HECW1: variants seen among roughly 807,000 people sequenced by gnomAD.
HECW1 encodes the protein HECT, C2 and WW domain containing E3 ubiquitin protein ligase 1.
A neutral mutation model predicts 182.3 loss-of-function variants in HECW1; 61 were observed. The observed-to-expected ratio is 0.33, with a 90% CI of 0.27 to 0.41. The LOEUF (loss-of-function observed/expected upper bound fraction) is 0.41, where lower values mean the gene tolerates loss of function less well. HECW1 is among the 10% of genes least tolerant of loss of function. The pLI is 1.00. For missense variants in HECW1, 1,739 were observed against 2,108.9 expected (o/e 0.82, Z 3.44); for synonymous variants, 859 against 832.6 (o/e 1.03, Z -0.55).
At chr7:43,505,425 G>A (rs1379281657) in intron 21 of HECW1, among the ~76,000 whole-genome samples, 1 of 152,184 alleles carries the variant, frequency 6.6e-6, no homozygotes, top group African/African-American at 2.4e-5. Flanking sequence ...TTTTCTGCAG[G>A]AAGATGAATG....
chr7:43,281,103 C>T (rs1443836224), intron 3 of HECW1, among the ~76,000 whole-genome samples: 1 of 152,138 alleles, frequency 6.6e-6, no homozygotes, highest in East Asian at 1.9e-4. Flanking sequence ...CCCGCTGCTT[C>T]TCATCACAGC....
At position 43,562,952 on chromosome 7, in the gene HECW1, T is replaced by C. The variant is rs1304602802; in HGVS notation, c.*1026T>C. The C allele has an allele frequency of 1.9e-5, 4 of 212,774 alleles. No individual in the cohort carries two copies. Among genetic ancestry groups the C allele is most frequent in the African/African-American group, 6.8e-5 (3 of 44,230 alleles). 13.2% of individuals were successfully genotyped at this position (212,774 alleles called of 1,614,324 possible). ...ATGACTTTTGTTAAAGCCATGACTT[T>C]TGTTTGCTTGGCAGACAAACCCTTT... On this transcript the variant is annotated 3_prime_UTR_variant, in exon 30 of 30. Transcript: ENST00000395891.
chr7:43,470,051 A>C (rs2077955096), intron 16 of HECW1, among the ~76,000 whole-genome samples: 1 of 152,220 alleles, frequency 6.6e-6, no homozygotes, highest in African/African-American at 2.4e-5. Context: ...TCCATTCATA[A>C]AATGAATCTC....
At chr7:43,379,249 T>C (rs1291467918) in intron 6 of HECW1, among the ~76,000 whole-genome samples, 1 of 152,200 alleles carries the variant, frequency 6.6e-6, no homozygotes, top group African/African-American at 2.4e-5. Flanking sequence ...GAGAGAAGGC[T>C]GCTTTACACT....
At chr7:43,254,837 C>G (rs966968185) in intron 3 of HECW1, among the ~76,000 whole-genome samples, 4 of 152,172 alleles carry the variant, frequency 2.6e-5, no homozygotes, top group African/African-American at 9.7e-5. Context: ...CTAAACTTGT[C>G]TTTGCTAGAG....
chr7:43,249,654 G>A (rs1208874297), intron 3 of HECW1, among the ~76,000 whole-genome samples: 1 of 152,174 alleles, frequency 6.6e-6, no homozygotes, highest in Non-Finnish European at 1.5e-5. Flanking sequence ...ATTTTCTTCA[G>A]GCAGCATGTG....
At chr7:43,402,031 A>G (rs984101833) in intron 7 of HECW1, among the ~76,000 whole-genome samples, 1 of 152,050 alleles carries the variant, frequency 6.6e-6, no homozygotes, top group African/African-American at 2.4e-5. Flanking sequence ...GCCGAGGGAC[A>G]GCCAAACTCC....
intron 2 of HECW1, among the ~76,000 whole-genome samples, chr7:43,145,005 A>G (rs1788546861): frequency 6.6e-6 from 1 of 152,176 alleles, no homozygotes; most frequent in Admixed American, 6.5e-5. Context: ...ATCTGCATAT[A>G]TGTCCTTTCA....
At chr7:43,445,875 A>G (rs979572512) in intron 11 of HECW1, among the ~76,000 whole-genome samples, 3 of 152,232 alleles carry the variant, frequency 2.0e-5, no homozygotes, top group African/African-American at 7.2e-5. Context: ...GTTAGTGTAC[A>G]TGTTATCCTA....
At chr7:43,400,098 T>A (rs770149844) in intron 7 of HECW1, among the ~76,000 whole-genome samples, 6 of 152,078 alleles carry the variant, frequency 3.9e-5, no homozygotes, top group Admixed American at 6.5e-5. Flanking sequence ...TAGCCAGCCA[T>A]GGTGGCATGT....
chr7:43,405,008 A>G (rs1044296540), intron 7 of HECW1, among the ~76,000 whole-genome samples: 4 of 152,134 alleles, frequency 2.6e-5, no homozygotes, highest in Non-Finnish European at 1.5e-5. Context: ...AAAAGCACAG[A>G]CTTTGAAATC....
chr7:43,201,583 G>C (rs1382578900), intron 2 of HECW1, among the ~76,000 whole-genome samples: 1 of 152,154 alleles, frequency 6.6e-6, no homozygotes, highest in African/African-American at 2.4e-5. Context: ...TGGTAGATTT[G>C]TGACTTAAGG....
chr7:43,533,654 C>T (rs373364953), intron 24 of HECW1, among the ~76,000 whole-genome samples: 3 of 152,156 alleles, frequency 2.0e-5, no homozygotes, highest in East Asian at 1.9e-4. Flanking sequence ...CTAACGACTG[C>T]GTGCAGGGTT....
At chr7:43,528,311 T>A (rs1484275072) in intron 24 of HECW1, among the ~76,000 whole-genome samples, 1 of 152,204 alleles carries the variant, frequency 6.6e-6, no homozygotes, top group Non-Finnish European at 1.5e-5. Context: ...TGGACACATC[T>A]AGATACGGGA....
intron 3 of HECW1, among the ~76,000 whole-genome samples, chr7:43,289,160 G>T (rs1478776228): frequency 6.7e-6 from 1 of 150,054 alleles, no homozygotes; most frequent in East Asian, 2.0e-4. Flanking sequence ...AGGCTGGAGT[G>T]CAGTGGCGTG....
intron 24 of HECW1, among the ~76,000 whole-genome samples, chr7:43,530,504 TATGG>T (rs71011921): frequency 0.38 from 57,493 of 150,324 alleles, 11,212 homozygotes; most frequent in East Asian, 0.49. Context: ...CCATATCTTT[TATGG>T]ATGGATGGAT....
intron 2 of HECW1, among the ~76,000 whole-genome samples, chr7:43,226,987 GA>G (rs1797490444): frequency 6.6e-6 from 1 of 152,202 alleles, no homozygotes; most frequent in Non-Finnish European, 1.5e-5. Context: ...ATATTTGGAT[GA>G]CCATGGTTGC....
chr7:43,544,134 C>G (rs11764328), intron 26 of HECW1, among the ~76,000 whole-genome samples: 48,016 of 152,050 alleles, frequency 0.32, 7,628 homozygotes, highest in Middle Eastern at 0.41. Context: ...ATACAGATAT[C>G]GCACAAATTC....
intron 16 of HECW1, among the ~76,000 whole-genome samples, chr7:43,473,801 C>G (rs1446917936): frequency 1.3e-5 from 2 of 152,052 alleles, no homozygotes; most frequent in East Asian, 3.9e-4. Flanking sequence ...TTTTTCTCTT[C>G]CAAAATCCTT....
Sources: gnomAD v4.1 joint callset for allele counts (sites outside exome capture counted in the v4.1 genomes callset) on GRCh38, gnomAD v4.1.1 for gene constraint, MANE v1.5 for transcripts, NCBI Gene and HGNC (gene_info 2026-07-23, HGNC 2026-07-21) for gene names.